Variants in PDIA6 observed in about 807,000 individuals in gnomAD.
PDIA6 encodes protein disulfide-isomerase A6.
A neutral mutation model predicts 58.4 loss-of-function variants in PDIA6; 29 were observed. That is an observed-to-expected ratio of 0.50 (90% CI 0.37 to 0.68). PDIA6 has a LOEUF of 0.68. Among genes scored for constraint, PDIA6 ranks in the 30% least tolerant of loss-of-function variants. The pLI is 0.00. For synonymous variants in PDIA6, 192 were observed against 202.6 expected (o/e 0.95, Z 0.44); for missense variants, 480 against 551.0 (o/e 0.87, Z 1.29).
chr2:10,831,897 C>T (rs768398404), intron 1 of PDIA6, among the ~76,000 whole-genome samples: 2 of 151,610 alleles, frequency 1.3e-5, no homozygotes, highest in Non-Finnish European at 2.9e-5. Context: ...AAACCTCTCT[C>T]TCCTCATGTG....
At chr2:10,814,237 G>A (rs1363886309), upstream of PDIA6, among the ~76,000 whole-genome samples, 1 of 152,164 alleles carries the variant, frequency 6.6e-6, no homozygotes, top group Non-Finnish European at 1.5e-5. Flanking sequence ...CTAGAGCTGC[G>A]TTTGGAAGAT....
intron 1 of PDIA6, among the ~76,000 whole-genome samples, chr2:10,823,799 C>T (rs2005011): frequency 0.35 from 52,945 of 151,034 alleles, 9,856 homozygotes; most frequent in East Asian, 0.7. Context: ...ACTGCTGTTG[C>T]TTCATGGCTC....
At chr2:10,823,663 T>G (rs1456184639) in intron 1 of PDIA6, among the ~76,000 whole-genome samples, 1 of 152,262 alleles carries the variant, frequency 6.6e-6, no homozygotes, top group Non-Finnish European at 1.5e-5. Flanking sequence ...CAAATGGCTA[T>G]GTGGACTTTT....
At chr2:10,791,399 G>T (rs1666029986) in intron 6 of PDIA6, among the ~76,000 whole-genome samples, 1 of 152,172 alleles carries the variant, frequency 6.6e-6, no homozygotes, top group South Asian at 2.1e-4. Flanking sequence ...GCCTGCCTCG[G>T]CCTCCCAAAG....
At chr2:10,828,022 C>G (rs1482395232) in intron 1 of PDIA6, among the ~76,000 whole-genome samples, 2 of 151,916 alleles carry the variant, frequency 1.3e-5, no homozygotes, top group Non-Finnish European at 2.9e-5. Context: ...ACCCCTCCCC[C>G]TGCCACACAC....
At position 10,797,762 on chromosome 2, in the gene PDIA6, TG is replaced by T. The variant is rs758860812; in HGVS notation, c.162-6del. On this transcript the variant is annotated splice_region_variant and splice_polypyrimidine_tract_variant and intron_variant, in intron 2 of 12. Transcript: ENST00000272227. The stretch of plus-strand genomic sequence containing the variant: ...AATCTTTGACAGTGACCACACCTTT[TG>T]GGGGAAGACAACACAAAGCAACCAT... 15 of 1,608,548 alleles carry T rather than the reference TG, an allele frequency of 9.3e-6. No individual in the cohort carries two copies. Among genetic ancestry groups the T allele is most frequent in the Admixed American group, 8.4e-5 (5 of 59,196 alleles).
chr2:10,802,813 A>G (rs1666571648), intron 1 of PDIA6, among the ~76,000 whole-genome samples, 173 bp from the exon 2 acceptor site: 1 of 152,112 alleles, frequency 6.6e-6, no homozygotes, highest in Non-Finnish European at 1.5e-5. Context: ...TTTCACTCCC[A>G]TTGCTGCAAC....
At chr2:10,800,028 C>G (rs560455049) in intron 2 of PDIA6, among the ~76,000 whole-genome samples, 1 of 152,048 alleles carries the variant, frequency 6.6e-6, no homozygotes, top group South Asian at 2.1e-4. Flanking sequence ...AATCTGTAAT[C>G]GAAATTTAGA....
In PDIA6 at chr2:10,812,713, C is replaced by T. The variant is rs760928416; in HGVS notation, c.-17G>A. ...GAGAGCCATGCCGAGCGCCGGGCTACGTGCAGTCCCCACCGCCGCCGCCGC... is the reference window on the plus strand; with the variant it reads ...GAGAGCCATGCCGAGCGCCGGGCTATGTGCAGTCCCCACCGCCGCCGCCGC... On this transcript the variant is annotated 5_prime_UTR_variant, in exon 1 of 13. Coordinates refer to ENST00000272227, the MANE Select transcript of PDIA6 (RefSeq NM_005742.4). The T allele has an allele frequency of 9.2e-5, 140 of 1,514,520 alleles. No homozygotes were observed. Among genetic ancestry groups the T allele is most frequent in the Non-Finnish European group, 1.1e-4 (126 of 1,134,208 alleles). 93.8% of individuals were successfully genotyped at this position (1,514,520 alleles called of 1,614,324 possible).
intron 1 of PDIA6, among the ~76,000 whole-genome samples, chr2:10,803,909 G>GAGTTTTTT (rs1666619569): frequency 1.2e-5 from 1 of 80,256 alleles, no homozygotes; most frequent in Non-Finnish European, 3.3e-5. Context: ...CCTAGTTTTT[G>GAGTTTTTT]TGTTTTTTTT....
At chr2:10,810,419 G>A in intron 1 of PDIA6, 3 of 1,439,480 alleles carry the variant, frequency 2.1e-6, no homozygotes, top group South Asian at 1.5e-5. Flanking sequence ...GTTACAAGCA[G>A]GCTGCAGTCA....
chr2:10,827,080 T>C (rs1026177931), intron 1 of PDIA6, among the ~76,000 whole-genome samples: 3 of 152,168 alleles, frequency 2.0e-5, no homozygotes, highest in Non-Finnish European at 2.9e-5. Context: ...GATTGATTGA[T>C]TGAGATGAAG....
intron 10 of PDIA6, 48 bp downstream of exon 10, chr2:10,788,649 A>G (rs887887442): frequency 8.9e-6 from 11 of 1,233,376 alleles, no homozygotes; most frequent in Non-Finnish European, 1.3e-5. Context: ...AAGAAAGCCT[A>G]TAATCAGCTG....
At chr2:10,813,861 A>T (rs1482728480), upstream of PDIA6, among the ~76,000 whole-genome samples, 2 of 151,030 alleles carry the variant, frequency 1.3e-5, no homozygotes, top group East Asian at 3.9e-4. Flanking sequence ...AGAAGCTGGG[A>T]TGACAGGTGC....
chr2:10,822,265 T>TTTAA (rs1466080136), intron 1 of PDIA6, among the ~76,000 whole-genome samples: 3 of 150,842 alleles, frequency 2.0e-5, no homozygotes, highest in African/African-American at 7.3e-5. Context: ...TATTTATTTA[T>TTTAA]TTATTTTGTT....
chr2:10,791,106 T>C (rs1247501836), intron 6 of PDIA6, among the ~76,000 whole-genome samples: 1 of 151,010 alleles, frequency 6.6e-6, no homozygotes, highest in Non-Finnish European at 1.5e-5. Flanking sequence ...CCAGGCCAAA[T>C]ACTTGCATTT....
chr2:10,812,973 C>T (rs1667075498), upstream of PDIA6: 2 of 446,852 alleles, frequency 4.5e-6, no homozygotes, highest in Non-Finnish European at 6.5e-6. Flanking sequence ...CAGCGGAAGG[C>T]GGGGCCTGCT....
chr2:10,826,371 T>G (rs963540662), intron 1 of PDIA6, among the ~76,000 whole-genome samples: 2 of 151,866 alleles, frequency 1.3e-5, no homozygotes, highest in African/African-American at 4.8e-5. Context: ...ATAATGGATT[T>G]TTTTTTTTAT....
chr2:10,794,576 C>T (rs1182023678), intron 4 of PDIA6, among the ~76,000 whole-genome samples: 9 of 150,682 alleles, frequency 6.0e-5, no homozygotes, highest in African/African-American at 1.5e-4. Context: ...GTGTGGCAGC[C>T]GGCCTTTTTT....
Sources: gnomAD v4.1 joint callset for allele counts (sites outside exome capture counted in the v4.1 genomes callset) on GRCh38, gnomAD v4.1.1 for gene constraint, MANE v1.5 for transcripts, NCBI Gene and HGNC (gene_info 2026-07-23, HGNC 2026-07-21) for gene names.